RGS7: variants seen among roughly 807,000 people sequenced by gnomAD.
RGS7 encodes regulator of G protein signaling 7, also known as regulator of G-protein signaling 7.
A neutral mutation model predicts 81.1 loss-of-function variants in RGS7; 27 were observed. That is an observed-to-expected ratio of 0.33 (90% CI 0.25 to 0.46). The LOEUF (loss-of-function observed/expected upper bound fraction) is 0.46, where lower values mean the gene tolerates loss of function less well. Among genes scored for constraint, RGS7 ranks in the 20% least tolerant of loss-of-function variants. RGS7 has a pLI of 1.00. For synonymous variants in RGS7, 208 were observed against 207.7 expected (o/e 1.00, Z -0.01); for missense variants, 396 against 607.4 (o/e 0.65, Z 3.66).
chr1:241,128,322 G>A (rs951735701), intron 2 of RGS7, among the ~76,000 whole-genome samples: 2 of 149,836 alleles, frequency 1.3e-5, no homozygotes, highest in Admixed American at 6.6e-5. Context: ...GGTGGCTCAC[G>A]CTTGTAATCC....
At position 241,306,487 on chromosome 1, in the gene RGS7, C is replaced by T. The variant is rs1471634649; in HGVS notation, c.78+49212G>A. Among the ~76,000 whole-genome samples the T allele has an allele frequency of 2.0e-5, 3 of 151,400 alleles. No homozygotes were observed. In the East Asian group the frequency reaches 5.8e-4, roughly 29 times the overall value. ...ACACGTCCACTCACACACACACGCA[C>T]ACATTGTTACACAAACACCCTCACA... On this transcript the variant is annotated intron_variant, in intron 2 of 18. Coordinates refer to ENST00000440928, the MANE Select transcript of RGS7 (RefSeq NM_001364886.1).
At chr1:240,794,980 C>T (rs565899800) in intron 18 of RGS7, among the ~76,000 whole-genome samples, 130 of 152,058 alleles carry the variant, frequency 8.5e-4, no homozygotes, top group Non-Finnish European at 1.6e-3. Context: ...GTCGGGAGTT[C>T]GAGACCAGCC....
chr1:241,111,794 C>G (rs1305298685), intron 2 of RGS7, among the ~76,000 whole-genome samples: 1 of 152,136 alleles, frequency 6.6e-6, no homozygotes. Flanking sequence ...CACTGCAAAC[C>G]AGGAAATAAG....
intron 2 of RGS7, among the ~76,000 whole-genome samples, chr1:241,160,887 G>T (rs974224995): frequency 2.0e-5 from 3 of 152,078 alleles, no homozygotes; most frequent in Non-Finnish European, 4.4e-5. Flanking sequence ...TTTGCAAAGT[G>T]GACTCCTGTC....
At chr1:241,261,102 C>G (rs1436118429) in intron 2 of RGS7, among the ~76,000 whole-genome samples, 1 of 151,628 alleles carries the variant, frequency 6.6e-6, no homozygotes, top group African/African-American at 2.4e-5. Flanking sequence ...CAAAACAAAA[C>G]AAACAAAAAA....
intron 9 of RGS7, among the ~76,000 whole-genome samples, chr1:240,850,009 G>A (rs1170571381): frequency 6.6e-6 from 1 of 152,126 alleles, no homozygotes; most frequent in African/African-American, 2.4e-5. Context: ...ATGGGTCCTG[G>A]GACCAGAACA....
intron 3 of RGS7, among the ~76,000 whole-genome samples, chr1:241,048,782 T>C (rs1383772836): frequency 3.9e-5 from 6 of 152,324 alleles, no homozygotes; most frequent in African/African-American, 1.4e-4. Context: ...CATGACAATG[T>C]GCCACCAACT....
intron 2 of RGS7, among the ~76,000 whole-genome samples, chr1:241,298,516 T>C (rs1479035728): frequency 2.6e-5 from 4 of 151,586 alleles, no homozygotes; most frequent in Non-Finnish European, 5.9e-5. Flanking sequence ...TTCAACTAAA[T>C]CACGCCTTCT....
intron 2 of RGS7, among the ~76,000 whole-genome samples, chr1:241,332,336 C>T (rs1347504098): frequency 1.3e-5 from 2 of 152,090 alleles, no homozygotes; most frequent in African/African-American, 4.8e-5. Context: ...GTGTAGGTGA[C>T]GTGATCTTGT....
At position 241,357,030 on chromosome 1, in the gene RGS7, G is replaced by C. The variant is rs1420225561; in HGVS notation, c.-182C>G. On this transcript the variant is annotated 5_prime_UTR_variant, in exon 1 of 19. Coordinates refer to ENST00000440928, the MANE Select transcript of RGS7 (RefSeq NM_001364886.1). ...CACACTCGCGGCGGATGCGGATTCC[G>C]CGCCGCCCCGGCTCTAGCTGCTCAG... The C allele has an allele frequency of 6.6e-6, 1 of 152,014 alleles. No homozygotes were observed. Among genetic ancestry groups the C allele is most frequent in the Non-Finnish European group, 1.5e-5 (1 of 68,058 alleles). 9.4% of individuals were successfully genotyped at this position (152,014 alleles called of 1,614,324 possible). A position where few individuals can be genotyped will look rare whatever the true frequency, so the allele number is the denominator to read the frequency against.
intron 3 of RGS7, among the ~76,000 whole-genome samples, chr1:241,050,337 G>A (rs1481437291): frequency 2.6e-5 from 4 of 152,034 alleles, no homozygotes; most frequent in Non-Finnish European, 4.4e-5. Flanking sequence ...GAGGCTGCTG[G>A]GCACACAAGG....
At chr1:241,299,806 T>C (rs1327847555) in intron 2 of RGS7, among the ~76,000 whole-genome samples, 1 of 78,292 alleles carries the variant, frequency 1.3e-5, no homozygotes, top group Non-Finnish European at 2.6e-5. Context: ...CTCGTCCCAG[T>C]TTTATTAGGC....
At chr1:241,179,594 A>G (rs547743610) in intron 2 of RGS7, among the ~76,000 whole-genome samples, 144 of 152,268 alleles carry the variant, frequency 9.5e-4, no homozygotes, top group South Asian at 2.1e-3. Flanking sequence ...AGTCCCCACA[A>G]GCTCATGATT....
At chr1:241,013,518 T>G (rs2059078345) in intron 3 of RGS7, among the ~76,000 whole-genome samples, 1 of 152,170 alleles carries the variant, frequency 6.6e-6, no homozygotes, top group Admixed American at 6.5e-5. Context: ...AAATTATGTA[T>G]TTTTTCTCCC....
In RGS7 at chr1:240,993,324, T is replaced by G. The variant is rs548427388; in HGVS notation, c.176-10195A>C. Among the ~76,000 whole-genome samples, 3 of 152,314 alleles carry G rather than the reference T, an allele frequency of 2.0e-5. No homozygotes were observed. In the South Asian group the frequency reaches 6.2e-4, roughly 32 times the overall value. On this transcript the variant is annotated intron_variant, in intron 3 of 18. Coordinates refer to ENST00000440928, the MANE Select transcript of RGS7 (RefSeq NM_001364886.1). Reference sequence around the variant, plus strand: ...GAGCCAAACTATTTTCCAGAGGGCCTGAGCCATTTTACATTCCTACCAGCG... The same window carrying G: ...GAGCCAAACTATTTTCCAGAGGGCCGGAGCCATTTTACATTCCTACCAGCG...
At chr1:240,826,191 G>A (rs970162155) in intron 10 of RGS7, among the ~76,000 whole-genome samples, 12 of 152,258 alleles carry the variant, frequency 7.9e-5, no homozygotes, top group African/African-American at 1.2e-4. Flanking sequence ...TTTGAGCACC[G>A]CATCCGAATT....
chr1:241,238,788 A>G (rs1427048427), intron 2 of RGS7, among the ~76,000 whole-genome samples: 2 of 152,280 alleles, frequency 1.3e-5, no homozygotes, highest in East Asian at 3.9e-4. Flanking sequence ...AAAGATAATT[A>G]AGAATTTCAC....
chr1:241,084,158 CT>C (rs1344478450), intron 3 of RGS7, among the ~76,000 whole-genome samples: 1 of 152,180 alleles, frequency 6.6e-6, no homozygotes. Flanking sequence ...ACGACTGCCC[CT>C]GTGACAAGTT....
intron 2 of RGS7, among the ~76,000 whole-genome samples, chr1:241,227,570 C>CAAAAAAAA (rs5782179): frequency 2.0e-4 from 21 of 103,720 alleles, no homozygotes; most frequent in East Asian, 5.6e-4. Context: ...CTGTCTCTAC[C>CAAAAAAAA]AAAAAAAAAA....
Sources: allele counts gnomAD v4.1 joint callset (sites outside exome capture counted in the v4.1 genomes callset), GRCh38; gene constraint gnomAD v4.1.1; transcripts MANE v1.5; gene names NCBI Gene and HGNC (gene_info 2026-07-23, HGNC 2026-07-21).